NDST4: variants seen among roughly 807,000 people sequenced by gnomAD.
NDST4 encodes the protein N-deacetylase and N-sulfotransferase 4.
In NDST4, 63 loss-of-function variants were observed where a neutral mutation model predicts 100.8. The observed-to-expected ratio is 0.62, with a 90% confidence interval of 0.51 to 0.77. The LOEUF (loss-of-function observed/expected upper bound fraction) is 0.77, where lower values mean the gene tolerates loss of function less well. Among genes scored for constraint, NDST4 ranks in the 30% least tolerant of loss-of-function variants. The probability of loss-of-function intolerance (pLI) is 0.00; values close to 1 mark genes in which losing one functional copy is unlikely to be tolerated. For synonymous variants in NDST4, 377 were observed against 361.8 expected, an observed-to-expected ratio of 1.04 and a Z score of -0.48; for missense variants, 943 against 1,018.4, an observed-to-expected ratio of 0.93 and a Z score of 1.01.
intron 3 of NDST4, among the ~76,000 whole-genome samples, chr4:114,970,959 A>G (rs1351824992): frequency 2.6e-5 from 4 of 152,110 alleles, no homozygotes; most frequent in Non-Finnish European, 5.9e-5. Context: ...AACATTTGTT[A>G]ATTTTTTTCT....
chr4:115,065,330 G>A (rs914696512), intron 2 of NDST4, among the ~76,000 whole-genome samples: 21 of 152,072 alleles, frequency 1.4e-4, no homozygotes, highest in Non-Finnish European at 1.5e-5. Context: ...TTAGGTTAAG[G>A]TAAACTAGTA....
intron 2 of NDST4, among the ~76,000 whole-genome samples, chr4:115,060,094 A>G (rs1728786334): frequency 6.6e-6 from 1 of 152,026 alleles, no homozygotes; most frequent in Non-Finnish European, 1.5e-5. Context: ...CTGTGCAGTA[A>G]TAAATAGTGG....
At chr4:114,985,749 T>C (rs902225851) in intron 2 of NDST4, among the ~76,000 whole-genome samples, 37 of 152,182 alleles carry the variant, frequency 2.4e-4, no homozygotes, top group Non-Finnish European at 4.4e-5. Context: ...TTTAGTACCA[T>C]GCTATTATTG....
chr4:114,891,117 T>C (rs1250095377), intron 6 of NDST4, among the ~76,000 whole-genome samples: 1 of 152,132 alleles, frequency 6.6e-6, no homozygotes, highest in Non-Finnish European at 1.5e-5. Context: ...ATGATGACTT[T>C]TCCTTTGTCC....
intron 1 of NDST4, among the ~76,000 whole-genome samples, chr4:115,084,565 TC>T (rs1423352155): frequency 6.6e-6 from 1 of 151,836 alleles, no homozygotes; most frequent in Non-Finnish European, 1.5e-5. Flanking sequence ...AGGTCCAGGG[TC>T]CCCCCTGCTG....
chr4:115,068,913 A>ATTAAATATTT (rs1194765076), intron 2 of NDST4, among the ~76,000 whole-genome samples: 2 of 152,142 alleles, frequency 1.3e-5, no homozygotes, highest in African/African-American at 4.8e-5. Flanking sequence ...ATAATTGTCA[A>ATTAAATATTT]TTAAATATTT....
At chr4:114,997,189 A>C (rs2126254234) in intron 2 of NDST4, among the ~76,000 whole-genome samples, 1 of 152,218 alleles carries the variant, frequency 6.6e-6, no homozygotes, top group South Asian at 2.1e-4. Flanking sequence ...CTTCCACCAA[A>C]GCCCTATTGC....
intron 6 of NDST4, among the ~76,000 whole-genome samples, chr4:114,928,819 T>C (rs1725435392): frequency 6.6e-6 from 1 of 152,086 alleles, no homozygotes; most frequent in African/African-American, 2.4e-5. Context: ...CACTGTTTTT[T>C]CTTCTCTGCC....
intron 2 of NDST4, among the ~76,000 whole-genome samples, chr4:115,069,811 A>G (rs1218988173): frequency 6.6e-6 from 1 of 152,182 alleles, no homozygotes; most frequent in Non-Finnish European, 1.5e-5. Flanking sequence ...TGAACCTGGG[A>G]GGTGGAGGTT....
intron 2 of NDST4, among the ~76,000 whole-genome samples, chr4:115,056,665 T>C (rs1728701200): frequency 6.6e-6 from 1 of 152,118 alleles, no homozygotes; most frequent in Admixed American, 6.6e-5. Context: ...AACTACTGTT[T>C]CTCCATAAAA....
At chr4:114,999,399 C>T (rs1727234271) in intron 2 of NDST4, among the ~76,000 whole-genome samples, 1 of 151,970 alleles carries the variant, frequency 6.6e-6, no homozygotes, top group Admixed American at 6.6e-5. Flanking sequence ...TATCTACTTC[C>T]TACTTTATGA....
At chr4:115,070,410 AGGGT>A (rs1729050127) in intron 2 of NDST4, among the ~76,000 whole-genome samples, 1 of 152,106 alleles carries the variant, frequency 6.6e-6, no homozygotes, top group Admixed American at 6.6e-5. Context: ...TGGAGGGTGG[AGGGT>A]GGGAGGAGGG....
chr4:115,034,567 CA>C (rs1728192285), intron 2 of NDST4, among the ~76,000 whole-genome samples: 2 of 152,114 alleles, frequency 1.3e-5, no homozygotes, highest in South Asian at 4.2e-4. Flanking sequence ...ATGTAGGAAT[CA>C]AAATTCTATT....
rs577456576 is a variant in NDST4, at chr4:115,076,284, T to G, written c.753A>C (p.Thr251=). ...EKSLSSLSSK[T]LFATVIQDLG... is the part of the protein sequence containing the mutation. ...GATCCTGAATCACCGTTGCAAAGAG[T>G]GTTTTGCTAGACAAGGATGACAGGG... The change falls in exon 2 of 14, where the codon ACA becomes ACC. Residue 251 remains threonine, a synonymous_variant. Transcript: ENST00000264363. 6.2e-6 allele frequency: 10 copies of G among 1,613,906 alleles called. No homozygotes were observed. The South Asian group carries it at 1.1e-4, about 18-fold the overall frequency.
chr4:115,102,510 T>A (rs1369795123), intron 1 of NDST4, among the ~76,000 whole-genome samples: 1 of 152,064 alleles, frequency 6.6e-6, no homozygotes, highest in African/African-American at 2.4e-5. Context: ...GCAATTATAT[T>A]CAGAAGTTAC....
At chr4:114,867,664 G>GAAAAAAAAAAAAAAAAAAAAAAAAA (rs1491405935) in intron 7 of NDST4, among the ~76,000 whole-genome samples, 3 of 26,082 alleles carry the variant, frequency 1.2e-4, no homozygotes, top group Admixed American at 4.8e-4. Context: ...AAAAAAAAAA[G>GAAAAAAAAAAAAAAAAAAAAAAAAA]CAAAAAAAAA....
At position 115,113,398 on chromosome 4, in the gene NDST4, A is replaced by G. The variant is rs143033978; in HGVS notation, c.-247+46T>C. 3 of 152,094 alleles carry G rather than the reference A, an allele frequency of 2.0e-5. No homozygotes were observed. In the East Asian group the frequency reaches 5.8e-4, roughly 30 times the overall value. 9.4% of individuals were successfully genotyped at this position (152,094 alleles called of 1,614,324 possible). A position where few individuals can be genotyped will look rare whatever the true frequency, so the allele number is the denominator to read the frequency against. ...TTACATAGCTAAGCAACGCATATTCATTTATGATACACACCTCGATTTCAG... is the reference window on the plus strand; with the variant it reads ...TTACATAGCTAAGCAACGCATATTCGTTTATGATACACACCTCGATTTCAG... On this transcript the variant is annotated intron_variant, in intron 1 of 13. Transcript: ENST00000264363.
At chr4:115,006,913 G>GATA (rs1327321992) in intron 2 of NDST4, among the ~76,000 whole-genome samples, 3 of 151,868 alleles carry the variant, frequency 2.0e-5, no homozygotes, top group Non-Finnish European at 4.4e-5. Flanking sequence ...GAAAAATTGC[G>GATA]ATAATAATAA....
intron 12 of NDST4, among the ~76,000 whole-genome samples, chr4:114,831,846 C>A (rs1723208283): frequency 6.6e-6 from 1 of 152,140 alleles, no homozygotes; most frequent in Admixed American, 6.5e-5. Flanking sequence ...TATATCAATT[C>A]ATTGCTTTGT....
Sources: allele counts gnomAD v4.1 joint callset (sites outside exome capture counted in the v4.1 genomes callset), GRCh38; gene constraint gnomAD v4.1.1; transcripts MANE v1.5; gene names NCBI Gene and HGNC (gene_info 2026-07-23, HGNC 2026-07-21).